KCNN3: variants seen among roughly 807,000 people sequenced by gnomAD.
The protein encoded by KCNN3 is small conductance calcium-activated potassium channel protein 3.
Under a neutral mutation model 62.9 loss-of-function variants are expected in KCNN3, and 16 were observed. That is an observed-to-expected ratio of 0.25 (90% CI 0.17 to 0.39). The LOEUF is 0.39. Among genes scored for constraint, KCNN3 ranks in the 10% least tolerant of loss-of-function variants. KCNN3 has a pLI of 1.00. For missense variants in KCNN3, 599 were observed against 949.4 expected, an observed-to-expected ratio of 0.63 and a Z score of 4.85; for synonymous variants, 370 against 389.2, an observed-to-expected ratio of 0.95 and a Z score of 0.58.
chr1:154,785,985 A>G (rs1649264785), intron 2 of KCNN3, among the ~76,000 whole-genome samples: 1 of 152,166 alleles, frequency 6.6e-6, no homozygotes, highest in Non-Finnish European at 1.5e-5. Context: ...CCTCATAGCA[A>G]CTAAGTGGTG....
intron 1 of KCNN3, among the ~76,000 whole-genome samples, chr1:154,841,337 T>A (rs1651820861): frequency 6.6e-6 from 1 of 152,210 alleles, no homozygotes; most frequent in Non-Finnish European, 1.5e-5. Context: ...GGGACAGTGG[T>A]TCCCAAACTT....
At chr1:154,758,426 C>A (rs533493406) in intron 3 of KCNN3, among the ~76,000 whole-genome samples, 1 of 152,362 alleles carries the variant, frequency 6.6e-6, no homozygotes, top group South Asian at 2.1e-4. Context: ...TCTGTGCCCC[C>A]TCTATTGTGG....
chr1:154,724,858 T>TC (rs1700426892), intron 5 of KCNN3, among the ~76,000 whole-genome samples: 1 of 147,296 alleles, frequency 6.8e-6, no homozygotes, highest in East Asian at 1.9e-4. Flanking sequence ...CTAGAATGAT[T>TC]CTTTTTTTTT....
chr1:154,731,743 C>CG (rs1311787195), intron 4 of KCNN3, among the ~76,000 whole-genome samples: 1 of 151,860 alleles, frequency 6.6e-6, no homozygotes, highest in Non-Finnish European at 1.5e-5. Flanking sequence ...GGGCTGTGGA[C>CG]GGGGGGCTGT....
At chr1:154,837,554 A>G (rs1218578) in intron 1 of KCNN3, among the ~76,000 whole-genome samples, 78,027 of 151,970 alleles carry the variant, frequency 0.51, 20,492 homozygotes, top group East Asian at 0.6. Context: ...CACAGAAGCT[A>G]GGAAGGCAGC....
intron 1 of KCNN3, among the ~76,000 whole-genome samples, chr1:154,832,586 G>C (rs1301503057): frequency 6.6e-6 from 1 of 152,146 alleles, no homozygotes; most frequent in East Asian, 1.9e-4. Context: ...ATTTCATCCA[G>C]ATTGCAGGAA....
intron 2 of KCNN3, among the ~76,000 whole-genome samples, chr1:154,804,165 C>T (rs1251690470): frequency 6.6e-6 from 1 of 152,190 alleles, no homozygotes; most frequent in Non-Finnish European, 1.5e-5. Context: ...GAAAGCCACC[C>T]CGTTCCTCTC....
At chr1:154,756,725 A>C (rs1647734133) in intron 3 of KCNN3, among the ~76,000 whole-genome samples, 1 of 152,204 alleles carries the variant, frequency 6.6e-6, no homozygotes, top group South Asian at 2.1e-4. Flanking sequence ...TTTAAAAAAG[A>C]ATCATTGCAA....
At chr1:154,715,585 TTC>T (rs931894506) in intron 5 of KCNN3, among the ~76,000 whole-genome samples, 2 of 152,106 alleles carry the variant, frequency 1.3e-5, no homozygotes, top group Admixed American at 6.6e-5. Flanking sequence ...TTTTCTTTCT[TTC>T]TCTCTTTCTT....
Position 154,784,661 on chromosome 1 carries a change from T to C in KCNN3, c.1030-12268A>G, listed in dbSNP as rs192456044. Among the ~76,000 whole-genome samples, 631 of 152,288 alleles carry C rather than the reference T, an allele frequency of 4.1e-3. 2 individuals are homozygous for C. Among genetic ancestry groups the C allele is most frequent in the Non-Finnish European group, 7.2e-3 (490 of 68,016 alleles). On this transcript the variant is annotated intron_variant, in intron 2 of 7. Transcript: ENST00000271915. ...GGATGGCCAGACAGTTGGGGAGTGC[T>C]AGCCCCCGTTTCAGGGGGCGGAGGG...
At chr1:154,725,457 C>T (rs900431844) in intron 5 of KCNN3, among the ~76,000 whole-genome samples, 1 of 152,066 alleles carries the variant, frequency 6.6e-6, no homozygotes, top group Non-Finnish European at 1.5e-5. Context: ...GTGCTGTTTC[C>T]ATTTTGTGTC....
chr1:154,861,115 C>T (rs1018094614), intron 1 of KCNN3, among the ~76,000 whole-genome samples: 11 of 152,024 alleles, frequency 7.2e-5, no homozygotes, highest in East Asian at 1.9e-4. Context: ...CCACCAGGTC[C>T]GGCTAATTTT....
intron 3 of KCNN3, among the ~76,000 whole-genome samples, chr1:154,738,158 A>G (rs1700751174): frequency 6.6e-6 from 1 of 152,212 alleles, no homozygotes; most frequent in African/African-American, 2.4e-5. Context: ...ATGCACACCA[A>G]GGCACATTAT....
At position 154,707,995 on chromosome 1, in the gene KCNN3, G is replaced by T; in HGVS notation, c.2177C>A (p.Thr726Lys). ...VSSTSFPTPY[T>K]SSSSC ...ATTTATTTAGCAACTGCTTGAACTT[G>T]TGTACGGGGTCGGGAAGGAGGTGGA... Residue 726 changes from threonine (T) to lysine (K), a missense_variant, in exon 8 of 8, where the codon ACA (threonine) becomes AAA (lysine). Thr to Lys is a moderately conservative substitution (Grantham distance 78). Coordinates refer to ENST00000271915, the MANE Select transcript of KCNN3 (RefSeq NM_002249.6). 1 of 1,613,584 alleles carries T rather than the reference G, an allele frequency of 6.2e-7. No homozygotes were observed. The highest frequency in any genetic ancestry group is 8.5e-7 in the Non-Finnish European group (1 of 1,179,748).
chr1:154,796,303 T>A lies in KCNN3; in HGVS notation c.1030-23910A>T, dbSNP rs140751776. Among the ~76,000 whole-genome samples the A allele has an allele frequency of 4.4e-3, 668 of 152,330 alleles. 20 individuals are homozygous for A. Among genetic ancestry groups the A allele is most frequent in the Admixed American group, 0.04 (605 of 15,304 alleles). On this transcript the variant is annotated intron_variant, in intron 2 of 7. Coordinates refer to ENST00000271915, the MANE Select transcript of KCNN3 (RefSeq NM_002249.6). ...CCATTTTCCTGGTCTCCACTCCAGA[T>A]CTGAATTCTTGCCCCTCCCCTGGTC...
intron 1 of KCNN3, among the ~76,000 whole-genome samples, chr1:154,832,512 A>G (rs76708724): frequency 0.024 from 3,609 of 152,206 alleles, 69 homozygotes; most frequent in South Asian, 0.044. Context: ...TCAATTTGCC[A>G]TCACCATGAG....
intron 5 of KCNN3, among the ~76,000 whole-genome samples, chr1:154,721,349 G>A (rs1700343281): frequency 6.8e-6 from 1 of 146,948 alleles, no homozygotes; most frequent in African/African-American, 2.5e-5. Flanking sequence ...ACCCAGGCTG[G>A]AGTGCAGTGG....
intron 1 of KCNN3, among the ~76,000 whole-genome samples, chr1:154,865,659 A>T (rs1652923170): frequency 6.6e-6 from 1 of 152,176 alleles, no homozygotes; most frequent in South Asian, 2.1e-4. Context: ...GAACATGCTC[A>T]GGGCACATGC....
chr1:154,793,661 T>C (rs994102596), intron 2 of KCNN3, among the ~76,000 whole-genome samples: 1 of 152,198 alleles, frequency 6.6e-6, no homozygotes, highest in Non-Finnish European at 1.5e-5. Context: ...GTTACCCAAC[T>C]GTTGTGGGGG....
Sources: gnomAD v4.1 joint callset for allele counts (sites outside exome capture counted in the v4.1 genomes callset) on GRCh38, gnomAD v4.1.1 for gene constraint, MANE v1.5 for transcripts, NCBI Gene and HGNC (gene_info 2026-07-23, HGNC 2026-07-21) for gene names.